PKN2: variants seen among roughly 807,000 people sequenced by gnomAD.
PKN2 encodes protein kinase N2.
In PKN2, 38 loss-of-function variants were observed where a neutral mutation model predicts 119.1. That is an observed-to-expected ratio of 0.32 (90% confidence interval 0.25 to 0.42). The LOEUF (loss-of-function observed/expected upper bound fraction) is 0.42, where lower values mean the gene tolerates loss of function less well. Ranked by LOEUF, PKN2 falls within the 10% of genes least tolerant of loss-of-function variation. The pLI is 1.00. For synonymous variants in PKN2, 390 were observed against 384.9 expected, an observed-to-expected ratio of 1.01 and a Z score of -0.15; for missense variants, 850 against 1,165.1, an observed-to-expected ratio of 0.73 and a Z score of 3.94.
chr1:88,740,866 T>C (rs1668550185), intron 1 of PKN2, 122 bp from the exon 2 acceptor site: 9 of 554,060 alleles, frequency 1.6e-5, no homozygotes, highest in Admixed American at 3.6e-5. Context: ...ATTAAGGAGA[T>C]AATTAAATAT....
chr1:88,732,946 G>T (rs140326855), intron 1 of PKN2, among the ~76,000 whole-genome samples: 1 of 152,254 alleles, frequency 6.6e-6, no homozygotes, highest in East Asian at 1.9e-4. Context: ...GAATCTAAAA[G>T]GTTGTTCTCA....
chr1:88,765,842 T>C (rs917601432), intron 3 of PKN2, among the ~76,000 whole-genome samples: 4 of 152,140 alleles, frequency 2.6e-5, no homozygotes, highest in Non-Finnish European at 5.9e-5. Flanking sequence ...GTCGCCCAGG[T>C]TGTCACCCAG....
chr1:88,692,437 G>T (rs1280377345), intron 1 of PKN2, among the ~76,000 whole-genome samples: 2 of 152,166 alleles, frequency 1.3e-5, no homozygotes, highest in Non-Finnish European at 2.9e-5. Context: ...AAGAGATGAT[G>T]CAGAACTTTC....
intron 1 of PKN2, among the ~76,000 whole-genome samples, chr1:88,728,578 A>C (rs1009699614): frequency 1.3e-5 from 2 of 152,132 alleles, no homozygotes; most frequent in Non-Finnish European, 2.9e-5. Flanking sequence ...AGAAAAATAG[A>C]TAACCATATA....
Position 88,805,964 on chromosome 1 carries a change from C to G in PKN2, c.1750C>G (p.Leu584Val). The G allele has an allele frequency of 1.2e-6, 2 of 1,613,708 alleles. No individual in the cohort carries two copies. Among genetic ancestry groups the G allele is most frequent in the South Asian group, 2.2e-5 (2 of 91,074 alleles). ...PPPAPPRASS[L>V]GEIDESSELR... is the part of the protein sequence containing the mutation. ...TCCAGCCCCACCACGAGCTTCTTCT[C>G]TTGGAGAAATAGATGAATCTTCTGA... is the stretch of plus-strand genomic sequence containing the variant. The change falls in exon 12 of 22, where the codon CTT becomes GTT. Residue 584 changes from leucine to valine, a missense_variant. This residue lies in a region of PKN2 where 216 missense variants were observed against 252.8 expected (regional missense o/e 0.85). Transcript: ENST00000370521.
intron 8 of PKN2, among the ~76,000 whole-genome samples, chr1:88,790,568 TTAGATCTGC>T (rs1557613456): frequency 6.6e-6 from 1 of 152,206 alleles, no homozygotes; most frequent in Non-Finnish European, 1.5e-5. Context: ...TCATGATCTG[TTAGATCTGC>T]TAGATCTCTA....
At chr1:88,755,403 T>C (rs915444118) in intron 2 of PKN2, among the ~76,000 whole-genome samples, 1 of 152,196 alleles carries the variant, frequency 6.6e-6, no homozygotes, top group African/African-American at 2.4e-5. Flanking sequence ...AAGTGAACTT[T>C]ATAAAGTTTA....
intron 2 of PKN2, among the ~76,000 whole-genome samples, chr1:88,747,329 C>CA (rs1379967563): frequency 2.0e-5 from 3 of 152,076 alleles, no homozygotes; most frequent in African/African-American, 7.2e-5. Context: ...GATCATTCTA[C>CA]AATGTATAAA....
At chr1:88,821,716 A>G (rs531753728) in intron 16 of PKN2, among the ~76,000 whole-genome samples, 4 of 152,342 alleles carry the variant, frequency 2.6e-5, no homozygotes, top group Admixed American at 6.5e-5. Flanking sequence ...TGAGGTTCTC[A>G]GTGACTCCAC....
intron 1 of PKN2, among the ~76,000 whole-genome samples, chr1:88,704,778 CAAAAAAAAAAAAA>C (rs35670791): frequency 0.024 from 1,856 of 75,982 alleles, 57 homozygotes; most frequent in African/African-American, 0.087. Context: ...GACCCTGTCT[CAAAAAAAAAAAAA>C]AAAAAAAAAG....
chr1:88,684,810 C>T (rs917384765), intron 1 of PKN2, 182 bp downstream of exon 1: 1 of 532,542 alleles, frequency 1.9e-6, no homozygotes, highest in Non-Finnish European at 3.2e-6. Flanking sequence ...GGAGCCGGAC[C>T]CTCTCCCCCG....
intron 1 of PKN2, among the ~76,000 whole-genome samples, chr1:88,694,535 G>T (rs1168901842): frequency 6.6e-6 from 1 of 152,092 alleles, no homozygotes; most frequent in Admixed American, 6.5e-5. Flanking sequence ...GGACATCTTG[G>T]TTGCTTCTGT....
At chr1:88,797,679 C>T (rs12143074) in intron 8 of PKN2, among the ~76,000 whole-genome samples, 274 of 151,938 alleles carry the variant, frequency 1.8e-3, no homozygotes, top group Non-Finnish European at 3.1e-3. Flanking sequence ...CTTACCTACT[C>T]TCATCTCGCT....
chr1:88,817,849 C>T (rs1016287094), intron 16 of PKN2, among the ~76,000 whole-genome samples: 2 of 151,988 alleles, frequency 1.3e-5, no homozygotes, highest in Non-Finnish European at 2.9e-5. Context: ...CAATATTCAA[C>T]ATAGTATTGG....
intron 1 of PKN2, among the ~76,000 whole-genome samples, chr1:88,688,505 TTACAC>T (rs564371857): frequency 4.6e-5 from 7 of 152,340 alleles, no homozygotes; most frequent in Admixed American, 3.9e-4. Flanking sequence ...AACATTAACT[TTACAC>T]TACTTGTTAG....
intron 1 of PKN2, among the ~76,000 whole-genome samples, chr1:88,695,140 T>A (rs544566042): frequency 0.01 from 1,517 of 151,622 alleles, 21 homozygotes; most frequent in African/African-American, 0.035. Context: ...AAAAAAAAAA[T>A]TTTGAAATGT....
chr1:88,818,477 G>A lies in PKN2; in HGVS notation c.2280-3464G>A, dbSNP rs552212980. On this transcript the variant is annotated intron_variant, in intron 16 of 21. Coordinates refer to ENST00000370521, the MANE Select transcript of PKN2 (RefSeq NM_006256.4). ...AGCCTGGCCAACATGGTGAAACCCC[G>A]TCTCTACTAAAAATACAAAAATTAG... is the stretch of plus-strand genomic sequence containing the variant. Among the ~76,000 whole-genome samples, 17 of 151,706 alleles carry A rather than the reference G, an allele frequency of 1.1e-4. No homozygotes were observed. The East Asian group carries it at 2.9e-3, about 26-fold the overall frequency.
At chr1:88,733,974 A>G (rs1379869155) in intron 1 of PKN2, among the ~76,000 whole-genome samples, 1 of 152,164 alleles carries the variant, frequency 6.6e-6, no homozygotes, top group Non-Finnish European at 1.5e-5. Context: ...AGCCTGGGCA[A>G]TGTAGCAAGA....
At chr1:88,713,384 C>G (rs376140719) in intron 1 of PKN2, among the ~76,000 whole-genome samples, 10 of 152,132 alleles carry the variant, frequency 6.6e-5, no homozygotes, top group African/African-American at 1.7e-4. Flanking sequence ...CTAGTTTACA[C>G]TCCCACCAAC....
Sources: allele counts gnomAD v4.1 joint callset (sites outside exome capture counted in the v4.1 genomes callset), GRCh38; gene constraint gnomAD v4.1.1; regional missense constraint gnomAD v4.1.1; transcripts MANE v1.5; gene names NCBI Gene and HGNC (gene_info 2026-07-23, HGNC 2026-07-21).